The following STK38L variants were observed in gnomAD, a reference collection of about 807,000 sequenced individuals.
STK38L encodes serine/threonine kinase 38 like, also known as serine/threonine-protein kinase 38-like.
Under a neutral mutation model 59.7 loss-of-function variants are expected in STK38L, and 28 were observed. That is an observed-to-expected ratio of 0.47 (90% confidence interval 0.35 to 0.64). The LOEUF (loss-of-function observed/expected upper bound fraction) is 0.64, where lower values mean the gene tolerates loss of function less well. Ranked by LOEUF, STK38L falls within the 30% of genes least tolerant of loss-of-function variation. STK38L has a pLI of 0.01. For missense variants in STK38L, 314 were observed against 555.8 expected, an observed-to-expected ratio of 0.56 and a Z score of 4.37; for synonymous variants, 162 against 176.8, an observed-to-expected ratio of 0.92 and a Z score of 0.66.
chr12:27,292,521 A>G (rs984871437), intron 1 of STK38L, among the ~76,000 whole-genome samples: 4 of 152,192 alleles, frequency 2.6e-5, no homozygotes, highest in African/African-American at 4.8e-5. Context: ...ATGATTCTGT[A>G]TTTCTTAACC....
At chr12:27,269,279 T>A (rs938285330) in intron 1 of STK38L, among the ~76,000 whole-genome samples, 1 of 152,210 alleles carries the variant, frequency 6.6e-6, no homozygotes, top group Non-Finnish European at 1.5e-5. Context: ...CTTTAATCCA[T>A]CTTGAATTAA....
At chr12:27,311,756 T>C (rs1328873885) in intron 5 of STK38L, among the ~76,000 whole-genome samples, 1 of 152,208 alleles carries the variant, frequency 6.6e-6, no homozygotes, top group Non-Finnish European at 1.5e-5. Context: ...AAAGTTACTA[T>C]AATTGTTACT....
intron 1 of STK38L, among the ~76,000 whole-genome samples, chr12:27,252,474 G>A (rs1459897527): frequency 6.6e-6 from 1 of 152,132 alleles, no homozygotes; most frequent in Non-Finnish European, 1.5e-5. Flanking sequence ...TTTTTACTTA[G>A]TTAAGTGTCT....
intron 1 of STK38L, among the ~76,000 whole-genome samples, chr12:27,266,505 A>G (rs1310356992): frequency 6.6e-6 from 1 of 152,214 alleles, no homozygotes; most frequent in Non-Finnish European, 1.5e-5. Flanking sequence ...AATTCTTTAT[A>G]TTACACCTAG....
chr12:27,312,818 T>C, intron 6 of STK38L, 146 bp downstream of exon 6: 1 of 949,024 alleles, frequency 1.1e-6, no homozygotes, highest in Non-Finnish European at 1.5e-6. Flanking sequence ...ACCATATTGA[T>C]GCTCATTTTT....
In STK38L at chr12:27,315,088, A is replaced by G. The variant is rs1944553581; in HGVS notation, c.746A>G (p.Asn249Ser). ...KKAHRTEFYR[N>S]LTHNPPSDFS... ...GCTCACAGGACTGAATTTTATAGAAATCTCACACACAACCCACCAAGTGAC... is the reference window on the plus strand; with the variant it reads ...GCTCACAGGACTGAATTTTATAGAAGTCTCACACACAACCCACCAAGTGAC... Residue 249 changes from asparagine to serine, a missense_variant, in exon 8 of 14, where the codon AAT becomes AGT. Physicochemically the swap from Asn to Ser is conservative, Grantham distance 46. Coordinates refer to ENST00000389032, the MANE Select transcript of STK38L (RefSeq NM_015000.4). 1.2e-6 allele frequency: 2 copies of G among 1,613,572 alleles called. No individual in the cohort carries two copies. Among genetic ancestry groups the G allele is most frequent in the East Asian group, 2.2e-5 (1 of 44,812 alleles).
At chr12:27,266,072 CTT>C (rs912230496) in intron 1 of STK38L, among the ~76,000 whole-genome samples, 1 of 152,170 alleles carries the variant, frequency 6.6e-6, no homozygotes, top group African/African-American at 2.4e-5. Context: ...ATGTTTGACT[CTT>C]TTCAAATAAT....
chr12:27,314,682 A>C, intron 7 of STK38L, 24 bp downstream of exon 7: 1 of 1,564,278 alleles, frequency 6.4e-7, no homozygotes, highest in Non-Finnish European at 8.6e-7. Flanking sequence ...CTGGTGAATT[A>C]CTAGGCTGTT....
chr12:27,317,835 T>G (rs974652263), intron 10 of STK38L, 61 bp from the exon 11 acceptor site: 11 of 1,594,508 alleles, frequency 6.9e-6, no homozygotes, highest in Non-Finnish European at 9.4e-6. Flanking sequence ...ACATGTTTGG[T>G]GGGTATAAAC....
rs1366416167 is a variant in STK38L, at chr12:27,308,908, AAATATATATT to A, written c.310-196_310-187del. Among the ~76,000 whole-genome samples, 2 of 146,410 alleles carry A rather than the reference AAATATATATT, an allele frequency of 1.4e-5. No homozygotes were observed. Among genetic ancestry groups the A allele is most frequent in the African/African-American group, 2.5e-5 (1 of 40,438 alleles). On this transcript the variant is annotated intron_variant, in intron 4 of 13. Transcript: ENST00000389032. The surrounding 1 kb of genome is among the most constrained non-coding windows in gnomAD (Gnocchi z 4.5). Reference sequence around the variant, plus strand: ...TAAATGTAAATATATAAATATATATAAATATATATTAATATATATAAAATATATATAAATA... The same window carrying A: ...TAAATGTAAATATATAAATATATATAAATATATATAAAATATATATAAATA...
At chr12:27,268,772 C>T (rs1943355161) in intron 1 of STK38L, among the ~76,000 whole-genome samples, 1 of 152,192 alleles carries the variant, frequency 6.6e-6, no homozygotes, top group Admixed American at 6.5e-5. Flanking sequence ...ACATCCTCTC[C>T]AGCACCTGTT....
chr12:27,272,018 T>G (rs1019006044), intron 1 of STK38L, among the ~76,000 whole-genome samples: 16 of 152,208 alleles, frequency 1.1e-4, no homozygotes, highest in Admixed American at 5.2e-4. Flanking sequence ...TTAAAAATAT[T>G]TTCCTCCTGT....
chr12:27,247,981 ATT>A (rs1463823089), intron 1 of STK38L, among the ~76,000 whole-genome samples: 1 of 150,678 alleles, frequency 6.6e-6, no homozygotes, highest in Non-Finnish European at 1.5e-5. Context: ...CGCCCGACTG[ATT>A]TTTAAATTTT....
chr12:27,249,558 G>A (rs572462085), intron 1 of STK38L, among the ~76,000 whole-genome samples: 115 of 152,142 alleles, frequency 7.6e-4, no homozygotes, highest in African/African-American at 2.5e-3. Context: ...GGCTGGTCTC[G>A]AACTCCCGAC....
intron 1 of STK38L, among the ~76,000 whole-genome samples, chr12:27,259,267 C>T (rs1012725871): frequency 2.6e-5 from 4 of 152,134 alleles, no homozygotes; most frequent in Non-Finnish European, 4.4e-5. Context: ...TACTTTGTCT[C>T]CTGTCTTAAC....
intron 1 of STK38L, among the ~76,000 whole-genome samples, chr12:27,252,074 G>A (rs1468118067): frequency 6.6e-6 from 1 of 152,098 alleles, no homozygotes. Flanking sequence ...CTGCCTCCCG[G>A]GTTCACGCCA....
intron 5 of STK38L, among the ~76,000 whole-genome samples, chr12:27,311,327 T>TA (rs1944448801): frequency 6.6e-6 from 1 of 152,224 alleles, no homozygotes; most frequent in African/African-American, 2.4e-5. Context: ...CCTCAACTCT[T>TA]ACGCTTTGAT....
At chr12:27,272,483 T>C (rs750189170) in intron 1 of STK38L, among the ~76,000 whole-genome samples, 2 of 152,222 alleles carry the variant, frequency 1.3e-5, no homozygotes, top group Admixed American at 1.3e-4. Context: ...CTCTTTTCCC[T>C]CCTTTATATG....
chr12:27,255,844 T>C (rs1943080641), intron 1 of STK38L, among the ~76,000 whole-genome samples: 1 of 152,138 alleles, frequency 6.6e-6, no homozygotes, highest in South Asian at 2.1e-4. Flanking sequence ...TAAGACCCCA[T>C]TGTCCATCTG....
Sources: allele counts gnomAD v4.1 joint callset (sites outside exome capture counted in the v4.1 genomes callset), GRCh38; gene constraint gnomAD v4.1.1; non-coding constraint Gnocchi (gnomAD v3.1); transcripts MANE v1.5; gene names NCBI Gene and HGNC (gene_info 2026-07-23, HGNC 2026-07-21).